Variants in NUMB observed in about 807,000 individuals in gnomAD.
NUMB encodes protein numb homolog.
NUMB carries 29 observed loss-of-function variants against 59.7 expected under a neutral mutation model. The observed-to-expected ratio is 0.49, with a 90% CI of 0.36 to 0.66. NUMB has a LOEUF of 0.66. Ranked by LOEUF, NUMB falls within the 30% of genes least tolerant of loss-of-function variation. The pLI is 0.00. For missense variants in NUMB, 723 were observed against 822.0 expected, an observed-to-expected ratio of 0.88 and a Z score of 1.47; for synonymous variants, 288 against 288.2, an observed-to-expected ratio of 1.00 and a Z score of 0.01.
At chr14:73,436,718 C>A (rs2140178563) in intron 1 of NUMB, among the ~76,000 whole-genome samples, 1 of 152,102 alleles carries the variant, frequency 6.6e-6, no homozygotes, top group East Asian at 2.0e-4. Flanking sequence ...CGGTGGCTCA[C>A]ACCTGTAATC....
chr14:73,283,919 G>A (rs950816203), intron 10 of NUMB, among the ~76,000 whole-genome samples, 162 bp downstream of exon 10: 6 of 152,110 alleles, frequency 3.9e-5, no homozygotes, highest in Non-Finnish European at 7.3e-5. Context: ...CCCCCTCCAC[G>A]GACCTTAGTT....
intron 4 of NUMB, among the ~76,000 whole-genome samples, chr14:73,345,725 T>C (rs1426370501): frequency 1.3e-5 from 2 of 151,814 alleles, no homozygotes; most frequent in Non-Finnish European, 1.5e-5. Flanking sequence ...CTGGCCAACA[T>C]GGTAAAACCC....
chr14:73,374,283 A>G (rs1206524829), intron 2 of NUMB, among the ~76,000 whole-genome samples: 2 of 152,118 alleles, frequency 1.3e-5, no homozygotes, highest in Non-Finnish European at 1.5e-5. Context: ...GCCTTTTTAA[A>G]GCACTGGGAT....
intron 1 of NUMB, among the ~76,000 whole-genome samples, chr14:73,417,097 C>CT (rs934224660): frequency 2.0e-5 from 3 of 151,844 alleles, no homozygotes; most frequent in African/African-American, 7.3e-5. Context: ...CGACGATCAT[C>CT]TTCCCACTCC....
At chr14:73,379,928 A>C (rs1338169382) in intron 2 of NUMB, among the ~76,000 whole-genome samples, 1 of 152,214 alleles carries the variant, frequency 6.6e-6, no homozygotes, top group Non-Finnish European at 1.5e-5. Flanking sequence ...GGGTTCTGAG[A>C]GTAGGAATAA....
intron 5 of NUMB, among the ~76,000 whole-genome samples, chr14:73,320,135 G>C (rs1011951647): frequency 2.2e-5 from 2 of 91,878 alleles, no homozygotes; most frequent in Non-Finnish European, 4.6e-5. Context: ...CCGACTCGGC[G>C]GGGGGGCAAA....
chr14:73,331,116 T>C lies in NUMB; in HGVS notation c.127-7912A>G, dbSNP rs537089203. Among the ~76,000 whole-genome samples, 6 of 152,360 alleles carry C rather than the reference T, an allele frequency of 3.9e-5. No homozygotes were observed. The South Asian group carries it at 1.2e-3, about 32-fold the overall frequency. Reference sequence around the variant, plus strand: ...AGGTCTTAAAGTGCTAATTCTCTTGTTGTCTCTTATTGTATAATCCTTTAT... The same window carrying C: ...AGGTCTTAAAGTGCTAATTCTCTTGCTGTCTCTTATTGTATAATCCTTTAT... On this transcript the variant is annotated intron_variant, in intron 4 of 12. Transcript: ENST00000555238.
At chr14:73,308,203 G>C (rs971266046) in intron 6 of NUMB, among the ~76,000 whole-genome samples, 15 of 152,130 alleles carry the variant, frequency 9.9e-5, no homozygotes, top group Non-Finnish European at 1.9e-4. Context: ...AGTGAGAATT[G>C]ATTAGGTTCT....
chr14:73,339,586 TTTGCTATGC>T (rs990133468), intron 4 of NUMB, among the ~76,000 whole-genome samples: 8 of 152,138 alleles, frequency 5.3e-5, no homozygotes, highest in African/African-American at 1.9e-4. Context: ...GACATGGGGT[TTTGCTATGC>T]TGCCCAAGCT....
chr14:73,353,069 CTTGTTTTTT>C (rs1893519564), intron 4 of NUMB, among the ~76,000 whole-genome samples: 1 of 18,084 alleles, frequency 5.5e-5, no homozygotes, highest in Non-Finnish European at 1.0e-4. Context: ...CACAGTTTTT[CTTGTTTTTT>C]TTTTTTTTTT....
intron 3 of NUMB, among the ~76,000 whole-genome samples, chr14:73,366,365 A>G (rs1171283657): frequency 6.6e-6 from 1 of 152,218 alleles, no homozygotes; most frequent in African/African-American, 2.4e-5. Flanking sequence ...ATTGCTGCCT[A>G]AACGTTGCTT....
chr14:73,330,539 T>C (rs1891910665), intron 4 of NUMB, among the ~76,000 whole-genome samples: 1 of 152,230 alleles, frequency 6.6e-6, no homozygotes. Context: ...GACTTGTCTG[T>C]GTATTACTTG....
intron 6 of NUMB, among the ~76,000 whole-genome samples, chr14:73,308,362 T>C (rs773927141): frequency 6.6e-6 from 1 of 152,102 alleles, no homozygotes; most frequent in African/African-American, 2.4e-5. Flanking sequence ...GAAAGATCCT[T>C]CTCTCCTTGG....
chr14:73,279,137 A>C (rs1291286858), intron 12 of NUMB, 144 bp downstream of exon 12: 25 of 854,324 alleles, frequency 2.9e-5, no homozygotes, highest in Non-Finnish European at 4.5e-5. Context: ...ATCCTTTCTT[A>C]TGTAAGCAAC....
chr14:73,331,154 T>A (rs971157946), intron 4 of NUMB, among the ~76,000 whole-genome samples: 1 of 152,240 alleles, frequency 6.6e-6, no homozygotes, highest in African/African-American at 2.4e-5. Context: ...TATCTGCTAA[T>A]CATTCCTACA....
chr14:73,325,942 C>G lies in NUMB; in HGVS notation c.127-2738G>C, dbSNP rs935945220. Among the ~76,000 whole-genome samples the G allele has an allele frequency of 2.4e-4, 36 of 152,044 alleles. 1 individual carries two copies. The highest frequency in any genetic ancestry group is 8.5e-4 in the African/African-American group (35 of 41,394). On this transcript the variant is annotated intron_variant, in intron 4 of 12. Coordinates refer to ENST00000555238, the MANE Select transcript of NUMB (RefSeq NM_001005743.2). Reference sequence around the variant, plus strand: ...TGATTCCAGGAAGATGGGGCCAATCCCCCTTTTGCTTTTTTCCTTTCTCTC... The same window carrying G: ...TGATTCCAGGAAGATGGGGCCAATCGCCCTTTTGCTTTTTTCCTTTCTCTC...
intron 5 of NUMB, among the ~76,000 whole-genome samples, chr14:73,319,599 A>T (rs990479787): frequency 6.6e-6 from 1 of 152,242 alleles, no homozygotes; most frequent in African/African-American, 2.4e-5. Context: ...CCAGAAACAT[A>T]GCATTTGGCA....
intron 1 of NUMB, among the ~76,000 whole-genome samples, chr14:73,448,462 A>G (rs1883695588): frequency 6.6e-6 from 1 of 152,178 alleles, no homozygotes; most frequent in Non-Finnish European, 1.5e-5. Flanking sequence ...AAGTGCTGGG[A>G]TTAAAGGCAT....
intron 1 of NUMB, among the ~76,000 whole-genome samples, chr14:73,454,674 T>C (rs1595058464): frequency 6.6e-6 from 1 of 152,208 alleles, no homozygotes; most frequent in Non-Finnish European, 1.5e-5. Flanking sequence ...AGTTAGGATT[T>C]TGGGATTTAA....
Sources: allele counts gnomAD v4.1 joint callset (sites outside exome capture counted in the v4.1 genomes callset), GRCh38; gene constraint gnomAD v4.1.1; transcripts MANE v1.5; gene names NCBI Gene and HGNC (gene_info 2026-07-23, HGNC 2026-07-21).